CACNG7: variants seen among roughly 807,000 people sequenced by gnomAD.
CACNG7 encodes the protein voltage-dependent calcium channel gamma-7 subunit.
Under a neutral mutation model 26.3 loss-of-function variants are expected in CACNG7, and 9 were observed. The ratio of observed to expected loss-of-function variants is 0.34; its 90% CI spans 0.21 to 0.60. The LOEUF (loss-of-function observed/expected upper bound fraction) is 0.60, where lower values mean the gene tolerates loss of function less well. Ranked by LOEUF, CACNG7 falls within the 20% of genes least tolerant of loss-of-function variation. The probability of loss-of-function intolerance (pLI) is 0.81; values close to 1 mark genes in which losing one functional copy is unlikely to be tolerated. For missense variants in CACNG7, 297 were observed against 380.4 expected (o/e 0.78, Z 1.82); for synonymous variants, 170 against 157.0 (o/e 1.08, Z -0.62).
intron 4 of CACNG7, among the ~76,000 whole-genome samples, chr19:53,920,378 C>T (rs544462664): frequency 2.7e-5 from 3 of 109,576 alleles, no homozygotes; most frequent in East Asian, 2.4e-4. Context: ...GGTGGAGTTG[C>T]CTCAGGTCTG....
intron 4 of CACNG7, among the ~76,000 whole-genome samples, chr19:53,929,045 G>A (rs2069052988): frequency 6.9e-6 from 1 of 145,268 alleles, no homozygotes; most frequent in Admixed American, 7.2e-5. Flanking sequence ...GGAGGCAGAG[G>A]TTGCAGTGAG....
chr19:53,921,458 T>C (rs1291952313), intron 4 of CACNG7, among the ~76,000 whole-genome samples: 2 of 146,578 alleles, frequency 1.4e-5, no homozygotes, highest in African/African-American at 5.2e-5. Context: ...CCAGGTCTGG[T>C]ATTGCTGGAG....
At chr19:53,925,112 C>G (rs2069015732) in intron 4 of CACNG7, among the ~76,000 whole-genome samples, 1 of 93,790 alleles carries the variant, frequency 1.1e-5, no homozygotes, top group Non-Finnish European at 2.0e-5. Flanking sequence ...TTGCCTAGGG[C>G]TGGTCATTGG....
intron 4 of CACNG7, among the ~76,000 whole-genome samples, chr19:53,919,328 G>T (rs2068919595): frequency 6.6e-6 from 1 of 152,254 alleles, no homozygotes; most frequent in Non-Finnish European, 1.5e-5. Flanking sequence ...CCCAGACCTG[G>T]TCATTGGTGG....
At chr19:53,915,936 G>A (rs1224388155) in intron 4 of CACNG7, among the ~76,000 whole-genome samples, 1 of 152,126 alleles carries the variant, frequency 6.6e-6, no homozygotes, top group Non-Finnish European at 1.5e-5. Flanking sequence ...GCAATTAACA[G>A]TTTACAAGGC....
chr19:53,918,102 G>A (rs2068910253), intron 4 of CACNG7, among the ~76,000 whole-genome samples: 1 of 152,234 alleles, frequency 6.6e-6, no homozygotes, highest in Non-Finnish European at 1.5e-5. Flanking sequence ...GTGCTGCCAA[G>A]CTTGGGGTGT....
At chr19:53,914,696 G>T in intron 3 of CACNG7, 110 bp downstream of exon 3, 2 of 993,866 alleles carry the variant, frequency 2.0e-6, no homozygotes, top group Non-Finnish European at 3.1e-6. Flanking sequence ...GGGAAGGAGG[G>T]GAGGCTTGAA....
intron 4 of CACNG7, among the ~76,000 whole-genome samples, chr19:53,919,597 A>G (rs923260618): frequency 1.6e-5 from 2 of 124,480 alleles, no homozygotes; most frequent in African/African-American, 6.8e-5. Flanking sequence ...CAGGCTGGTC[A>G]TTGGTGGAGT....
At position 53,912,805 on chromosome 19, in the gene CACNG7, C is replaced by T. The variant is rs368968771; in HGVS notation, c.-27C>T. The T allele has an allele frequency of 1.8e-4, 288 of 1,607,486 alleles. 1 individual carries two copies. The highest frequency in any genetic ancestry group is 2.3e-4 in the Non-Finnish European group (273 of 1,179,028). ...GCACTGTAGCTTCCCTTCCACAGGC[C>T]CCGCAGGGCGCCCCCTGCCTCTGAG... On this transcript the variant is annotated splice_region_variant and 5_prime_UTR_variant, in exon 2 of 6. Transcript: ENST00000391767. This position sits in a 1 kb window ranked among gnomAD's most constrained non-coding sequence, Gnocchi z 4.6.
At chr19:53,911,196 T>G (rs3852893) in intron 1 of CACNG7, among the ~76,000 whole-genome samples, 35,001 of 151,508 alleles carry the variant, frequency 0.23, 10,064 homozygotes, top group African/African-American at 0.68. Flanking sequence ...CTCCTGAGTA[T>G]CTGGGATTAT....
chr19:53,917,323 G>T (rs1312953632), intron 4 of CACNG7, among the ~76,000 whole-genome samples: 2 of 152,166 alleles, frequency 1.3e-5, no homozygotes, highest in East Asian at 1.9e-4. Context: ...TAATTCAGTT[G>T]ATAGTTTATG....
intron 4 of CACNG7, among the ~76,000 whole-genome samples, chr19:53,924,842 C>A (rs2069010971): frequency 6.9e-6 from 1 of 144,874 alleles, no homozygotes; most frequent in African/African-American, 2.6e-5. Flanking sequence ...TGGAGTTGCC[C>A]CAGGTCTGGT....
rs555081009 is a variant in CACNG7, at chr19:53,920,805, C to T, written c.424+5300C>T. On this transcript the variant is annotated intron_variant, in intron 4 of 5. Coordinates refer to ENST00000391767, the MANE Select transcript of CACNG7 (RefSeq NM_031896.5). ...CCCAGGCTGGTCATTGGTGGACTTG[C>T]CCCAGGCTGGTCATTGGTGGAGTTG... 2.6e-4 allele frequency among the ~76,000 whole-genome samples: 24 copies of T among 91,332 alleles called. No homozygotes were observed. The East Asian group carries it at 5.5e-3, about 21-fold the overall frequency. The allele number at this position is 91,332 out of a possible 152,430, so 59.9% of individuals were successfully genotyped here.
chr19:53,940,911 AT>A lies in CACNG7; in HGVS notation c.425-557del, dbSNP rs1403004928. 6.6e-6 allele frequency among the ~76,000 whole-genome samples: 1 copy of A among 151,522 alleles called. No individual in the cohort carries two copies. The highest frequency in any genetic ancestry group is 2.4e-5 in the African/African-American group (1 of 41,084). On this transcript the variant is annotated intron_variant, in intron 4 of 5. Transcript: ENST00000391767. This position sits in a 1 kb window ranked among gnomAD's most constrained non-coding sequence, Gnocchi z 4.1. Reference sequence around the variant, plus strand: ...CTCTACTAAAAATATAAAAAAAAAAATTAGTCGGGAGTGGTGGCGGGCGCCT... The same window carrying A: ...CTCTACTAAAAATATAAAAAAAAAAATAGTCGGGAGTGGTGGCGGGCGCCT...
At chr19:53,933,093 C>T (rs966306252) in intron 4 of CACNG7, among the ~76,000 whole-genome samples, 3 of 151,744 alleles carry the variant, frequency 2.0e-5, no homozygotes, top group Admixed American at 6.6e-5. Flanking sequence ...GCACTTTGTG[C>T]GTGAGCCACT....
intron 4 of CACNG7, among the ~76,000 whole-genome samples, chr19:53,922,550 G>A (rs1302473613): frequency 1.2e-5 from 1 of 81,434 alleles, no homozygotes; most frequent in Non-Finnish European, 2.2e-5. Context: ...CATTGGTGGA[G>A]TTGCCCCAGG....
At chr19:53,922,213 TATTGGTGGAGTTGTCCCCAGGTCTGGTC>T (rs1568775204) in intron 4 of CACNG7, among the ~76,000 whole-genome samples, 3 of 84,472 alleles carry the variant, frequency 3.6e-5, no homozygotes, top group Non-Finnish European at 6.8e-5. Context: ...CCAGGTCTGG[TATTGGTGGAGTTGTCCCCAGGTCTGGTC>T]ATTGGTGGAG....
intron 4 of CACNG7, among the ~76,000 whole-genome samples, chr19:53,931,644 C>T (rs2069072004): frequency 7.9e-6 from 1 of 126,360 alleles, no homozygotes; most frequent in Non-Finnish European, 1.6e-5. Context: ...GCTGAGATCA[C>T]ACCACTGCAT....
At chr19:53,911,073 A>ATTTT (rs3039168) in intron 1 of CACNG7, among the ~76,000 whole-genome samples, 46 of 146,248 alleles carry the variant, frequency 3.1e-4, no homozygotes, top group African/African-American at 1.1e-3. Context: ...CTCATTCATG[A>ATTTT]TTTTTTTTTT....
Sources: allele counts gnomAD v4.1 joint callset (sites outside exome capture counted in the v4.1 genomes callset), GRCh38; gene constraint gnomAD v4.1.1; non-coding constraint Gnocchi (gnomAD v3.1); transcripts MANE v1.5; gene names NCBI Gene and HGNC (gene_info 2026-07-23, HGNC 2026-07-21).